NECAB2: variants seen among roughly 807,000 people sequenced by gnomAD.
The protein encoded by NECAB2 is N-terminal EF-hand calcium-binding protein 2.
NECAB2 carries 68 observed loss-of-function variants against 51.9 expected under a neutral mutation model. The ratio of observed to expected loss-of-function variants is 1.31; its 90% CI spans 1.08 to 1.60. The LOEUF is 1.60. Among genes scored for constraint, NECAB2 ranks in the 40% most tolerant of loss-of-function variants. The pLI is 0.00. For synonymous variants in NECAB2, 329 were observed against 203.5 expected (o/e 1.62, Z -5.25); for missense variants, 854 against 490.3 (o/e 1.74, Z -7.00).
At chr16:83,992,309 T>C (rs554904425) in intron 6 of NECAB2, among the ~76,000 whole-genome samples, 80 of 151,900 alleles carry the variant, frequency 5.3e-4, no homozygotes, top group African/African-American at 1.8e-3. Flanking sequence ...GGGTGTGACC[T>C]GGTATTTAGA....
At chr16:83,971,364 A>C (rs1052734927) in intron 1 of NECAB2, 2 of 152,146 alleles carry the variant, frequency 1.3e-5, no homozygotes, top group Non-Finnish European at 2.9e-5. Flanking sequence ...GAGGTTTTGA[A>C]AGCTCTCCAG....
chr16:83,991,432 T>A (rs1207412607), intron 6 of NECAB2, among the ~76,000 whole-genome samples: 1 of 148,094 alleles, frequency 6.8e-6, no homozygotes, highest in Non-Finnish European at 1.5e-5. Context: ...AGTGGCGAGA[T>A]CTCAGCTCAC....
At chr16:83,982,263 G>A (rs980216588) in intron 5 of NECAB2, among the ~76,000 whole-genome samples, 9 of 152,178 alleles carry the variant, frequency 5.9e-5, no homozygotes, top group African/African-American at 2.2e-4. Flanking sequence ...TCTAACAATA[G>A]TTGGGCCTCA....
chr16:83,997,693 C>A (rs1354651914), intron 9 of NECAB2, among the ~76,000 whole-genome samples: 1 of 151,278 alleles, frequency 6.6e-6, no homozygotes, highest in Admixed American at 6.6e-5. Flanking sequence ...CAGGGTTTCA[C>A]CATGTTGGTC....
At chr16:84,001,406 C>T (rs868520124) in intron 11 of NECAB2, among the ~76,000 whole-genome samples, 7 of 152,166 alleles carry the variant, frequency 4.6e-5, no homozygotes, top group Admixed American at 1.3e-4. Context: ...AAACTCAGGA[C>T]CCCAGTGGGA....
chr16:83,995,946 C>T (rs891690267), intron 8 of NECAB2, among the ~76,000 whole-genome samples: 1 of 152,184 alleles, frequency 6.6e-6, no homozygotes, highest in African/African-American at 2.4e-5. Flanking sequence ...TTTAGAGCAC[C>T]GTCGCCCTAA....
At position 84,001,906 on chromosome 16, in the gene NECAB2, C is replaced by G. The variant is rs950472117; in HGVS notation, c.1122C>G (p.Ile374Met). ...TLSQPEALSR[I>M]LVPAAWCTVG... ...GCCAGCCTGAGGCCCTCTCCAGGATCTTGGTGCCAGGTAGGGGGCAAAGGC... is the reference window on the plus strand; with the variant it reads ...GCCAGCCTGAGGCCCTCTCCAGGATGTTGGTGCCAGGTAGGGGGCAAAGGC... The change falls in exon 12 of 13, where the codon ATC becomes ATG. Residue 374 changes from isoleucine (I) to methionine (M), a missense_variant. Physicochemically the swap from Ile to Met is conservative, Grantham distance 10. Coordinates refer to ENST00000305202, the MANE Select transcript of NECAB2 (RefSeq NM_019065.3). 1 of 1,613,970 alleles carries G rather than the reference C, an allele frequency of 6.2e-7. No homozygotes were observed. Among genetic ancestry groups the G allele is most frequent in the Non-Finnish European group, 8.5e-7 (1 of 1,179,894 alleles).
At chr16:83,977,033 C>A (rs2084419376) in intron 2 of NECAB2, among the ~76,000 whole-genome samples, 1 of 152,268 alleles carries the variant, frequency 6.6e-6, no homozygotes, top group African/African-American at 2.4e-5. Context: ...CAAATCCAGG[C>A]TGCAATCCGC....
Position 83,994,546 on chromosome 16 carries a change from C to T in NECAB2, c.716-63C>T, listed in dbSNP as rs757501925. The T allele has an allele frequency of 2.2e-4, 346 of 1,606,184 alleles. 1 individual carries two copies. Among genetic ancestry groups the T allele is most frequent in the South Asian group, 3.2e-4 (29 of 90,912 alleles). ...CCCTGGAGGGGCTGGATGTTTCCAGCTTCCCCCCGAAGCCCTCGTCCTGCC... is the reference window on the plus strand; with the variant it reads ...CCCTGGAGGGGCTGGATGTTTCCAGTTTCCCCCCGAAGCCCTCGTCCTGCC... On this transcript the variant is annotated intron_variant, in intron 7 of 12. Coordinates refer to ENST00000305202, the MANE Select transcript of NECAB2 (RefSeq NM_019065.3).
Position 83,973,273 on chromosome 16 carries a change from C to G in NECAB2, c.226+1098C>G, listed in dbSNP as rs1311613141. Among the ~76,000 whole-genome samples the G allele has an allele frequency of 2.0e-5, 3 of 152,352 alleles. No homozygotes were observed. The East Asian group carries it at 5.8e-4, about 29-fold the overall frequency. On this transcript the variant is annotated intron_variant, in intron 2 of 12. Coordinates refer to ENST00000305202, the MANE Select transcript of NECAB2 (RefSeq NM_019065.3). ...TGAGGGTGGCAGCTCTGGCCTGGGT[C>G]TCCAGCACCCGCCTCATCCCTGGGA...
chr16:83,990,466 C>T, intron 5 of NECAB2, 28 bp from the exon 6 acceptor site: 1 of 1,612,378 alleles, frequency 6.2e-7, no homozygotes. Context: ...CCCCTTTCCC[C>T]TCAGTGCCTC....
In NECAB2 at chr16:83,998,796, G is replaced by A. The variant is rs548616557; in HGVS notation, c.962+479G>A. ...AGGGAAATGCCCAAGTCATGTAGTT[G>A]CCCTTCTCCCCCTGATGTGCTGAGA... On this transcript the variant is annotated intron_variant, in intron 10 of 12. Transcript: ENST00000305202. 8.2e-5 allele frequency among the ~76,000 whole-genome samples: 10 copies of A among 121,550 alleles called. No homozygotes were observed. In the South Asian group the frequency reaches 1.4e-3, roughly 17 times the overall value. 79.7% of individuals were successfully genotyped at this position (121,550 alleles called of 152,430 possible).
intron 5 of NECAB2, among the ~76,000 whole-genome samples, chr16:83,981,475 G>A (rs2084488744): frequency 6.6e-6 from 1 of 151,684 alleles, no homozygotes; most frequent in Admixed American, 6.6e-5. Flanking sequence ...GGGGCGGGGT[G>A]GGGCGTGGTG....
At chr16:83,971,922 T>G in intron 1 of NECAB2, 1 of 608,176 alleles carries the variant, frequency 1.6e-6, no homozygotes, top group South Asian at 2.0e-5. Flanking sequence ...AGGCTGGTGG[T>G]ACTGGCAGCC....
intron 1 of NECAB2, among the ~76,000 whole-genome samples, chr16:83,969,928 C>G (rs1241180079): frequency 6.6e-6 from 1 of 152,184 alleles, no homozygotes; most frequent in African/African-American, 2.4e-5. Flanking sequence ...TGGCCGGGGT[C>G]TGGGCTGGGA....
chr16:83,990,329 A>T (rs1236992330), intron 5 of NECAB2, among the ~76,000 whole-genome samples, 165 bp from the exon 6 acceptor site: 1 of 152,158 alleles, frequency 6.6e-6, no homozygotes, highest in African/African-American at 2.4e-5. Flanking sequence ...TGCGTTGGAA[A>T]TGCTACAGCC....
chr16:84,002,007 C>T (rs928570995), intron 12 of NECAB2, 91 bp downstream of exon 12: 5 of 1,416,502 alleles, frequency 3.5e-6, no homozygotes, highest in Non-Finnish European at 3.9e-6. Flanking sequence ...CGGGGACTTG[C>T]CTGCTTGCTG....
intron 5 of NECAB2, 138 bp from the exon 6 acceptor site, chr16:83,990,356 A>G (rs551114941): frequency 9.0e-6 from 10 of 1,111,486 alleles, no homozygotes; most frequent in Non-Finnish European, 1.3e-5. Flanking sequence ...ACTGGACCCC[A>G]GGAGGCCGTG....
rs568044029 is a variant in NECAB2 at position 84,000,469 on chromosome 16, T to A, written c.963-255T>A. Among the ~76,000 whole-genome samples, 13 of 152,280 alleles carry A rather than the reference T, an allele frequency of 8.5e-5. No individual in the cohort carries two copies. In the South Asian group the frequency reaches 2.3e-3, roughly 27 times the overall value. On this transcript the variant is annotated intron_variant, in intron 10 of 12. Coordinates refer to ENST00000305202, the MANE Select transcript of NECAB2 (RefSeq NM_019065.3). Reference sequence around the variant, plus strand: ...CTGCACTCCAGCCTGGGCAACAGAGTGAGACCCTATCTCAAAAGAAAAACT... The same window carrying A: ...CTGCACTCCAGCCTGGGCAACAGAGAGAGACCCTATCTCAAAAGAAAAACT...
Sources: gnomAD v4.1 joint callset for allele counts (sites outside exome capture counted in the v4.1 genomes callset) on GRCh38, gnomAD v4.1.1 for gene constraint, MANE v1.5 for transcripts, NCBI Gene and HGNC (gene_info 2026-07-23, HGNC 2026-07-21) for gene names.